PHLPP1: variants seen among roughly 807,000 people sequenced by gnomAD.
PHLPP1 encodes the protein PH domain leucine-rich repeat-containing protein phosphatase 1.
In PHLPP1, 42 loss-of-function variants were observed where a neutral mutation model predicts 117.2. The observed-to-expected ratio is 0.36, with a 90% CI of 0.28 to 0.46. The LOEUF (loss-of-function observed/expected upper bound fraction) is 0.46, where lower values mean the gene tolerates loss of function less well. Ranked by LOEUF, PHLPP1 falls within the 20% of genes least tolerant of loss-of-function variation. The pLI, the probability that PHLPP1 is intolerant of heterozygous loss-of-function variation, is 1.00. For synonymous variants in PHLPP1, 1,042 were observed against 970.7 expected, an observed-to-expected ratio of 1.07 and a Z score of -1.37; for missense variants, 2,084 against 2,241.9, an observed-to-expected ratio of 0.93 and a Z score of 1.42.
chr18:62,761,361 A>G (rs929174556), intron 1 of PHLPP1, among the ~76,000 whole-genome samples: 2 of 152,012 alleles, frequency 1.3e-5, no homozygotes, highest in Non-Finnish European at 2.9e-5. Context: ...GGCCGGGCGC[A>G]GTGGCTCACG....
chr18:62,875,255 A>T (rs1178495955), intron 4 of PHLPP1, among the ~76,000 whole-genome samples: 5 of 152,122 alleles, frequency 3.3e-5, no homozygotes, highest in African/African-American at 1.2e-4. Flanking sequence ...CGTCCGGCCT[A>T]TAGAATTCTT....
intron 4 of PHLPP1, among the ~76,000 whole-genome samples, chr18:62,864,146 C>G (rs575289381): frequency 5.4e-4 from 82 of 152,146 alleles, no homozygotes; most frequent in African/African-American, 1.8e-3. Context: ...CTCAGCCTCC[C>G]GAGTAGCTGG....
chr18:62,916,557 T>C (rs1909281030), intron 9 of PHLPP1, among the ~76,000 whole-genome samples: 1 of 151,552 alleles, frequency 6.6e-6, no homozygotes, highest in African/African-American at 2.4e-5. Flanking sequence ...TTATGTTGAC[T>C]GAGCATTCAA....
chr18:62,721,901 A>G (rs1393577487), intron 1 of PHLPP1, among the ~76,000 whole-genome samples: 1 of 152,152 alleles, frequency 6.6e-6, no homozygotes, highest in African/African-American at 2.4e-5. Context: ...TTAGCTTTTC[A>G]TTTACTGGTA....
rs953380652 is a variant in PHLPP1, at chr18:62,962,551, C to T, written c.3456-817C>T. Among the ~76,000 whole-genome samples, 27 of 152,270 alleles carry T rather than the reference C, an allele frequency of 1.8e-4. No individual in the cohort carries two copies. In the East Asian group the frequency reaches 4.1e-3, roughly 23 times the overall value. Reference sequence around the variant, plus strand: ...CTCGAACTCCCGACCTCAGGTGATCCGCCCGCCTTGGCCTCCCAAAGTGCT... The same window carrying T: ...CTCGAACTCCCGACCTCAGGTGATCTGCCCGCCTTGGCCTCCCAAAGTGCT... On this transcript the variant is annotated intron_variant, in intron 13 of 16. Coordinates refer to ENST00000262719, the MANE Select transcript of PHLPP1 (RefSeq NM_194449.4).
chr18:62,771,029 C>CCAGT (rs1212688400), intron 1 of PHLPP1, among the ~76,000 whole-genome samples: 1 of 151,964 alleles, frequency 6.6e-6, no homozygotes, highest in Non-Finnish European at 1.5e-5. Context: ...GACCAGCCAA[C>CCAGT]ATGGTGTAAA....
chr18:62,979,051 G>A lies in PHLPP1; in HGVS notation c.4774G>A (p.Asp1592Asn). 6.2e-7 allele frequency: 1 copy of A among 1,613,882 alleles called. No individual in the cohort carries two copies. Among genetic ancestry groups the A allele is most frequent in the Non-Finnish European group, 8.5e-7 (1 of 1,179,832 alleles). ...HLLQVPAEAS[D>N]EGIVISANED... ...GCTTCAGGTGCCAGCAGAGGCCAGT[G>A]ATGAGGGCATTGTCATCAGCGCCAA... Residue 1592 changes from aspartate to asparagine, a missense_variant, in exon 17 of 17, where the codon GAT (aspartate) becomes AAT (asparagine). Asp to Asn is a conservative substitution (Grantham distance 23). This residue lies in a region of PHLPP1 where 1,365 missense variants were observed against 1,605.9 expected (regional missense o/e 0.85). Coordinates refer to ENST00000262719, the MANE Select transcript of PHLPP1 (RefSeq NM_194449.4).
intron 4 of PHLPP1, among the ~76,000 whole-genome samples, chr18:62,862,722 GT>G (rs1374607282): frequency 6.6e-6 from 1 of 152,118 alleles, no homozygotes; most frequent in Admixed American, 6.6e-5. Context: ...CACCAGAAGT[GT>G]TTTTTGTGTA....
rs1023805946 is a variant in PHLPP1 at position 62,941,973 on chromosome 18, T to C, written c.3161+55T>C. On this transcript the variant is annotated intron_variant, in intron 11 of 16. Transcript: ENST00000262719. ...AATTGCATTTCTCAAAGTGTATTCA[T>C]AGAAAGGTGAAGGCTGAAATATTTA... The C allele has an allele frequency of 3.7e-5, 51 of 1,391,242 alleles. No individual in the cohort carries two copies. The African/African-American group carries it at 6.4e-4, about 17-fold the overall frequency. The allele number at this position is 1,391,242 out of a possible 1,614,324, so 86.2% of individuals were successfully genotyped here. A position where few individuals can be genotyped will look rare whatever the true frequency, so the allele number is the denominator to read the frequency against.
At chr18:62,900,986 A>G (rs531473706) in intron 6 of PHLPP1, among the ~76,000 whole-genome samples, 4 of 152,358 alleles carry the variant, frequency 2.6e-5, no homozygotes, top group African/African-American at 4.8e-5. Context: ...TTACTGTGTG[A>G]ACCTGAAAAC....
intron 14 of PHLPP1, among the ~76,000 whole-genome samples, chr18:62,967,693 C>T (rs993146523): frequency 2.0e-5 from 3 of 151,854 alleles, no homozygotes; most frequent in Admixed American, 2.0e-4. Flanking sequence ...TTTTCTGTAT[C>T]AATTGAGATG....
intron 10 of PHLPP1, among the ~76,000 whole-genome samples, chr18:62,931,711 G>A (rs1909814381): frequency 6.6e-6 from 1 of 151,686 alleles, no homozygotes; most frequent in South Asian, 2.1e-4. Context: ...TGGCCAATAT[G>A]GTGAAACCCC....
intron 4 of PHLPP1, among the ~76,000 whole-genome samples, chr18:62,879,311 A>G (rs530274390): frequency 6.6e-6 from 1 of 152,290 alleles, no homozygotes; most frequent in African/African-American, 2.4e-5. Flanking sequence ...AAGGCCCTCA[A>G]CAGATGCCAG....
At chr18:62,923,475 G>A (rs1909536206) in intron 10 of PHLPP1, among the ~76,000 whole-genome samples, 1 of 152,134 alleles carries the variant, frequency 6.6e-6, no homozygotes, top group South Asian at 2.1e-4. Context: ...AGTTAAGATT[G>A]TTAATTATCT....
chr18:62,765,897 C>T (rs1912460848), intron 1 of PHLPP1, among the ~76,000 whole-genome samples: 1 of 149,658 alleles, frequency 6.7e-6, no homozygotes, highest in South Asian at 2.1e-4. Context: ...ACTCGGGAGG[C>T]TGAGGCAGGA....
rs115354194 is a variant in PHLPP1, at chr18:62,940,263, G to A, written c.2961-1455G>A. Among the ~76,000 whole-genome samples, 855 of 149,008 alleles carry A rather than the reference G, an allele frequency of 5.7e-3. 11 individuals are homozygous for A. The highest frequency in any genetic ancestry group is 0.02 in the African/African-American group (813 of 40,462). On this transcript the variant is annotated intron_variant, in intron 10 of 16. Coordinates refer to ENST00000262719, the MANE Select transcript of PHLPP1 (RefSeq NM_194449.4). Reference sequence around the variant, plus strand: ...CATTTAACTACATTTCACAATCACCGTGGAGGATTTTTTTTTTTTTGGGCA... The same window carrying A: ...CATTTAACTACATTTCACAATCACCATGGAGGATTTTTTTTTTTTTGGGCA...
At chr18:62,766,076 A>AAAAAAAATATATATATATATATATATAT in intron 1 of PHLPP1, among the ~76,000 whole-genome samples, 4 of 21,656 alleles carry the variant, frequency 1.8e-4, no homozygotes, top group Non-Finnish European at 1.7e-4. Flanking sequence ...AAAAAAAAAA[A>AAAAAAAATATATATATATATATATATAT]ATATATATAT....
chr18:62,972,788 GC>G, intron 15 of PHLPP1, 80 bp downstream of exon 15: 1 of 1,072,198 alleles, frequency 9.3e-7, no homozygotes, highest in Non-Finnish European at 1.4e-6. Flanking sequence ...AAAAGCAGGT[GC>G]CCAATGGTCT....
At chr18:62,827,107 A>G (rs1400632706) in intron 1 of PHLPP1, among the ~76,000 whole-genome samples, 1 of 152,220 alleles carries the variant, frequency 6.6e-6, no homozygotes, top group Non-Finnish European at 1.5e-5. Context: ...TAAATAGACT[A>G]GTATAGATCA....
Sources: allele counts gnomAD v4.1 joint callset (sites outside exome capture counted in the v4.1 genomes callset), GRCh38; gene constraint gnomAD v4.1.1; regional missense constraint gnomAD v4.1.1; transcripts MANE v1.5; gene names NCBI Gene and HGNC (gene_info 2026-07-23, HGNC 2026-07-21).